Variants in CEP83 observed in about 807,000 individuals in gnomAD.
The protein encoded by CEP83 is centrosomal protein 83, also known as centrosomal protein of 83 kDa.
A neutral mutation model predicts 101.9 loss-of-function variants in CEP83; 70 were observed. The ratio of observed to expected loss-of-function variants is 0.69; its 90% CI spans 0.57 to 0.84. The LOEUF is 0.84. Among genes scored for constraint, CEP83 ranks in the 40% least tolerant of loss-of-function variants. The pLI, the probability that CEP83 is intolerant of heterozygous loss-of-function variation, is 0.00. For missense variants in CEP83, 715 were observed against 787.2 expected (o/e 0.91, Z 1.10); for synonymous variants, 264 against 267.9 (o/e 0.99, Z 0.14).
the CEP83 span, among the ~76,000 whole-genome samples, chr12:94,297,595 A>G: frequency 1.3e-5 from 2 of 152,210 alleles, no homozygotes; most frequent in Non-Finnish European, 2.9e-5. Context: ...CTTTTTATAC[A>G]CTACAAAGAT....
In CEP83 at chr12:94,335,565, G is replaced by A. The variant is rs766416602; in HGVS notation, c.1419+24C>T. 3.4e-6 allele frequency: 5 copies of A among 1,457,738 alleles called. No individual in the cohort carries two copies. In the South Asian group the frequency reaches 6.3e-5, roughly 18 times the overall value. 90.3% of individuals were successfully genotyped at this position (1,457,738 alleles called of 1,614,324 possible). A position where few individuals can be genotyped will look rare whatever the true frequency, so the allele number is the denominator to read the frequency against. On this transcript the variant is annotated intron_variant, in intron 12 of 16. Coordinates refer to ENST00000397809, the MANE Select transcript of CEP83 (RefSeq NM_016122.3). ...TAAAGAAGCACTTGAAAAAATAAAA[G>A]GAAAATCTTCGCTAAAATCATACCT...
At chr12:94,424,358 G>A in intron 2 of CEP83, 2 of 1,614,066 alleles carry the variant, frequency 1.2e-6, no homozygotes, top group South Asian at 2.2e-5. Flanking sequence ...TGGTACTCCA[G>A]GGGGTGTCTT....
intron 11 of CEP83, among the ~76,000 whole-genome samples, chr12:94,364,782 G>T (rs1593438780): frequency 6.6e-6 from 1 of 152,234 alleles, no homozygotes; most frequent in Admixed American, 6.5e-5. Flanking sequence ...CTGGGGCAAA[G>T]ACAGGTTTTT....
At chr12:94,361,735 C>G (rs1449056880) in intron 11 of CEP83, among the ~76,000 whole-genome samples, 1 of 151,468 alleles carries the variant, frequency 6.6e-6, no homozygotes, top group Non-Finnish European at 1.5e-5. Flanking sequence ...GAGTTTCGCT[C>G]TTTTTGCCCA....
chr12:94,277,493 T>C, the CEP83 span, among the ~76,000 whole-genome samples: 1 of 152,194 alleles, frequency 6.6e-6, no homozygotes, highest in African/African-American at 2.4e-5. Flanking sequence ...TTCTAAGAAC[T>C]GTGCGGTTAC....
chr12:94,363,201 A>G (rs1243986213), intron 11 of CEP83, among the ~76,000 whole-genome samples: 2 of 152,268 alleles, frequency 1.3e-5, no homozygotes, highest in Non-Finnish European at 2.9e-5. Context: ...CAAAGAACAT[A>G]TGAAATGTTT....
chr12:94,386,024 C>A (rs1025384946), intron 6 of CEP83, among the ~76,000 whole-genome samples: 2 of 152,154 alleles, frequency 1.3e-5, no homozygotes, highest in Admixed American at 1.3e-4. Context: ...ACTGTGCCAT[C>A]TAGGTGCATA....
intron 11 of CEP83, among the ~76,000 whole-genome samples, chr12:94,344,053 G>T (rs1251086306): frequency 6.6e-6 from 1 of 152,200 alleles, no homozygotes; most frequent in Non-Finnish European, 1.5e-5. Context: ...TGCAAGTCAA[G>T]AAGAGAGGTC....
chr12:94,438,359 C>T (rs1310696128), intron 1 of CEP83, among the ~76,000 whole-genome samples: 2 of 152,094 alleles, frequency 1.3e-5, no homozygotes, highest in Non-Finnish European at 2.9e-5. Context: ...AAAGATATTC[C>T]ACGCAAATGG....
At chr12:94,370,166 AG>A in intron 8 of CEP83, 130 bp from the exon 9 acceptor site, 1 of 604,868 alleles carries the variant, frequency 1.7e-6, no homozygotes, top group Non-Finnish European at 2.9e-6. Flanking sequence ...CCAAGAAGAA[AG>A]AAGTGTCAGT....
At chr12:94,330,741 T>G (rs559428632) in intron 14 of CEP83, among the ~76,000 whole-genome samples, 1 of 152,300 alleles carries the variant, frequency 6.6e-6, no homozygotes, top group South Asian at 2.1e-4. Context: ...CACTATAATT[T>G]AACTGGAGAA....
At chr12:94,406,226 C>A (rs1425762664) in intron 4 of CEP83, among the ~76,000 whole-genome samples, 1 of 151,852 alleles carries the variant, frequency 6.6e-6, no homozygotes, top group Non-Finnish European at 1.5e-5. Flanking sequence ...AGCTCAAGAA[C>A]ATGTATCAGA....
At position 94,424,665 on chromosome 12, in the gene CEP83, C is replaced by A; in HGVS notation, c.-102+10610G>T. On this transcript the variant is annotated intron_variant, in intron 2 of 16. Coordinates refer to ENST00000397809, the MANE Select transcript of CEP83 (RefSeq NM_016122.3). The stretch of plus-strand genomic sequence containing the variant: ...GCTGCTGAAGGGCTGTCAAAATCTA[C>A]AAAGCCATAGCCTTTACATTTGTTT... 5 of 1,613,514 alleles carry A rather than the reference C, an allele frequency of 3.1e-6. No individual in the cohort carries two copies. The South Asian group carries it at 3.3e-5, about 11-fold the overall frequency.
chr12:94,358,306 T>C (rs1239475777), intron 11 of CEP83, among the ~76,000 whole-genome samples: 1 of 151,880 alleles, frequency 6.6e-6, no homozygotes, highest in East Asian at 1.9e-4. Flanking sequence ...TCAAAGTCAA[T>C]ATACAATGCA....
At chr12:94,425,144 G>A (rs1382145457) in intron 2 of CEP83, among the ~76,000 whole-genome samples, 2 of 149,434 alleles carry the variant, frequency 1.3e-5, no homozygotes, top group Non-Finnish European at 3.0e-5. Flanking sequence ...AGATGAAGGG[G>A]GGCTGCCTCT....
intron 11 of CEP83, among the ~76,000 whole-genome samples, chr12:94,360,988 A>C (rs1023496985): frequency 6.6e-6 from 1 of 152,222 alleles, no homozygotes; most frequent in African/African-American, 2.4e-5. Context: ...AAAAGCACCA[A>C]GAAAATACAT....
chr12:94,403,300 T>A, intron 4 of CEP83, 38 bp from the exon 5 acceptor site: 1 of 925,382 alleles, frequency 1.1e-6, no homozygotes, highest in Non-Finnish European at 1.7e-6. Context: ...TAAAATCACA[T>A]TAAAATCAAG....
At chr12:94,316,759 T>C (rs973765013) in intron 14 of CEP83, among the ~76,000 whole-genome samples, 1 of 152,224 alleles carries the variant, frequency 6.6e-6, no homozygotes, top group Admixed American at 6.5e-5. Context: ...CATTATCTCA[T>C]TCTTTTTTAT....
chr12:94,385,775 T>C (rs868277749), intron 6 of CEP83, among the ~76,000 whole-genome samples: 17 of 152,302 alleles, frequency 1.1e-4, no homozygotes, highest in Admixed American at 2.6e-4. Flanking sequence ...AGCTAAGATA[T>C]AGTAATGAGC....
Sources: allele counts gnomAD v4.1 joint callset (sites outside exome capture counted in the v4.1 genomes callset), GRCh38; gene constraint gnomAD v4.1.1; transcripts MANE v1.5; gene names NCBI Gene and HGNC (gene_info 2026-07-23, HGNC 2026-07-21).